Variants in UBE3B observed in about 807,000 individuals in gnomAD.
UBE3B encodes ubiquitin-protein ligase E3B.
Under a neutral mutation model 132.3 loss-of-function variants are expected in UBE3B, and 80 were observed. The ratio of observed to expected loss-of-function variants is 0.60; its 90% CI spans 0.50 to 0.73. The LOEUF is 0.73. Ranked by LOEUF, UBE3B falls within the 30% of genes least tolerant of loss-of-function variation. UBE3B has a pLI of 0.00. For synonymous variants in UBE3B, 487 were observed against 520.4 expected (o/e 0.94, Z 0.87); for missense variants, 1,196 against 1,362.5 (o/e 0.88, Z 1.92).
chr12:109,524,895 TACAGA>T (rs1882147313), intron 23 of UBE3B, among the ~76,000 whole-genome samples: 1 of 151,848 alleles, frequency 6.6e-6, no homozygotes, highest in African/African-American at 2.4e-5. Flanking sequence ...ATTCTCAGCA[TACAGA>T]GCAGAGCAGG....
chr12:109,515,186 T>G (rs1276110087), intron 18 of UBE3B, among the ~76,000 whole-genome samples: 1 of 151,988 alleles, frequency 6.6e-6, no homozygotes, highest in Non-Finnish European at 1.5e-5. Context: ...GTGCTGGGAT[T>G]ACAGGCGTGA....
intron 19 of UBE3B, chr12:109,520,762 T>C (rs1453144356): frequency 6.2e-6 from 1 of 160,242 alleles, no homozygotes. Context: ...TTTTTTCTTT[T>C]TTCTTTTTTT....
At chr12:109,506,718 G>C (rs140008717) in intron 14 of UBE3B, among the ~76,000 whole-genome samples, 1 of 152,220 alleles carries the variant, frequency 6.6e-6, no homozygotes, top group Non-Finnish European at 1.5e-5. Context: ...CTGAGTAGTT[G>C]TAACAGTGTT....
chr12:109,542,857 C>T, the UBE3B span, among the ~76,000 whole-genome samples: 1 of 152,186 alleles, frequency 6.6e-6, no homozygotes, highest in Admixed American at 6.5e-5. Flanking sequence ...GCTTAAGTCC[C>T]CGAGTTTATG....
chr12:109,497,629 T>C (rs890343754), intron 9 of UBE3B, among the ~76,000 whole-genome samples, 189 bp from the exon 10 acceptor site: 2 of 152,208 alleles, frequency 1.3e-5, no homozygotes, highest in African/African-American at 4.8e-5. Flanking sequence ...CTGCACAGTA[T>C]GGCATCAGCA....
the UBE3B span, among the ~76,000 whole-genome samples, chr12:109,544,999 T>A: frequency 6.6e-6 from 1 of 152,204 alleles, no homozygotes; most frequent in Middle Eastern, 3.2e-3. Context: ...GCCCAGGGAC[T>A]CAAAGCCAGG....
chr12:109,479,829 G>A (rs1875049879), intron 1 of UBE3B, among the ~76,000 whole-genome samples: 1 of 152,172 alleles, frequency 6.6e-6, no homozygotes, highest in Non-Finnish European at 1.5e-5. Flanking sequence ...TTTTAAGATC[G>A]TCTTACAGTG....
At chr12:109,544,173 A>C in the UBE3B span, among the ~76,000 whole-genome samples, 2 of 152,188 alleles carry the variant, frequency 1.3e-5, no homozygotes, top group Non-Finnish European at 2.9e-5. Context: ...CCAGACACAG[A>C]GTTCTCATTC....
chr12:109,508,125 C>T (rs1349130573), intron 15 of UBE3B, among the ~76,000 whole-genome samples: 1 of 152,226 alleles, frequency 6.6e-6, no homozygotes, highest in Non-Finnish European at 1.5e-5. Context: ...GGCAAGGGAT[C>T]ACGGATTCAA....
chr12:109,493,463 A>C (rs969198373), intron 9 of UBE3B, among the ~76,000 whole-genome samples: 1 of 152,178 alleles, frequency 6.6e-6, no homozygotes, highest in Non-Finnish European at 1.5e-5. Flanking sequence ...CAGTCATTCT[A>C]CCACACTTAA....
intron 7 of UBE3B, 91 bp from the exon 8 acceptor site, chr12:109,489,828 G>T: frequency 8.2e-7 from 1 of 1,214,154 alleles, no homozygotes; most frequent in Non-Finnish European, 1.2e-6. Flanking sequence ...ATTTCTTAGG[G>T]CCTCGGATGT....
rs1883251744 is a variant in UBE3B, at chr12:109,534,330, A to C, written c.3016-261A>C. On this transcript the variant is annotated intron_variant, in intron 27 of 27. Transcript: ENST00000342494. This position sits in a 1 kb window ranked among gnomAD's most constrained non-coding sequence, Gnocchi z 5.2. ...TTGGTTAACCAGTAATTCGCTGTGA[A>C]CCGGAAGGCCCCATTTCCAAAAGCT... 1.4e-6 allele frequency: 2 copies of C among 1,407,048 alleles called. No individual in the cohort carries two copies. The highest frequency in any genetic ancestry group is 1.4e-5 in the African/African-American group (1 of 68,978). The allele number at this position is 1,407,048 out of a possible 1,614,324, so 87.2% of individuals were successfully genotyped here.
downstream of UBE3B, among the ~76,000 whole-genome samples, chr12:109,539,703 GT>G (rs1041273426): frequency 1.3e-5 from 2 of 152,192 alleles, no homozygotes; most frequent in African/African-American, 2.4e-5. Context: ...TCCTTCTGGA[GT>G]TTGTTTTTGA....
chr12:109,521,231 G>A lies in UBE3B; in HGVS notation c.2160G>A (p.Val720=). The change falls in exon 20 of 28, where the codon GTG becomes GTA. Residue 720 remains valine, a synonymous_variant. Transcript: ENST00000342494. This position sits in a 1 kb window ranked among gnomAD's most constrained non-coding sequence, Gnocchi z 4.2. ...TGAAGTTTGTCAATGACCTCGGGGT[G>A]GACGAAGCAGGGATTGATCAAGACG... is the stretch of plus-strand genomic sequence containing the variant. ...IRVKFVNDLG[V]DEAGIDQDGV... 6.2e-7 allele frequency: 1 copy of A among 1,614,202 alleles called. No homozygotes were observed. The highest frequency in any genetic ancestry group is 1.1e-5 in the South Asian group (1 of 91,080).
Position 109,518,611 on chromosome 12 carries a change from A to G in UBE3B, c.2076+1727A>G, listed in dbSNP as rs1199691163. Reference sequence around the variant, plus strand: ...CCCACTACCCATCACGCCTACCCAGACGTGGCCAGCACCCACCCATGGGAA... The same window carrying G: ...CCCACTACCCATCACGCCTACCCAGGCGTGGCCAGCACCCACCCATGGGAA... On this transcript the variant is annotated intron_variant, in intron 19 of 27. Transcript: ENST00000342494. 2.0e-5 allele frequency among the ~76,000 whole-genome samples: 3 copies of G among 152,174 alleles called. No individual in the cohort carries two copies. In the East Asian group the frequency reaches 5.8e-4, roughly 29 times the overall value.
In UBE3B at chr12:109,521,011, C is replaced by T. The variant is rs1881643009; in HGVS notation, c.2077-137C>T. ...CATTCAAAAGCAGGTGAGAACGGCT[C>T]CTGTCATGCATCCACGTTTCATAAT... On this transcript the variant is annotated intron_variant, in intron 19 of 27. Coordinates refer to ENST00000342494, the MANE Select transcript of UBE3B (RefSeq NM_130466.4). This position sits in a 1 kb window ranked among gnomAD's most constrained non-coding sequence, Gnocchi z 4.2. 1 of 929,574 alleles carries T rather than the reference C, an allele frequency of 1.1e-6. No homozygotes were observed. Among genetic ancestry groups the T allele is most frequent in the Non-Finnish European group, 1.6e-6 (1 of 623,210 alleles). 57.6% of individuals were successfully genotyped at this position (929,574 alleles called of 1,614,324 possible).
At chr12:109,545,200 T>C in the UBE3B span, among the ~76,000 whole-genome samples, 3 of 152,236 alleles carry the variant, frequency 2.0e-5, no homozygotes, top group Non-Finnish European at 4.4e-5. Flanking sequence ...ACACCCCATG[T>C]GGGGCTTGGT....
chr12:109,516,167 CTTTTTTTTTTT>C (rs59084691), intron 18 of UBE3B, among the ~76,000 whole-genome samples: 1 of 91,138 alleles, frequency 1.1e-5, no homozygotes, highest in Non-Finnish European at 2.1e-5. Flanking sequence ...TCTTTTTTTT[CTTTTTTTTTTT>C]TTTTTTTTTT....
chr12:109,523,876 C>A, intron 21 of UBE3B, 102 bp from the exon 22 acceptor site: 1 of 1,517,312 alleles, frequency 6.6e-7, no homozygotes, highest in Non-Finnish European at 8.9e-7. Context: ...CCTGGAAATG[C>A]CGATGGCACC....
Sources: allele counts gnomAD v4.1 joint callset (sites outside exome capture counted in the v4.1 genomes callset), GRCh38; gene constraint gnomAD v4.1.1; non-coding constraint Gnocchi (gnomAD v3.1); transcripts MANE v1.5; gene names NCBI Gene and HGNC (gene_info 2026-07-23, HGNC 2026-07-21).